The following CLYBL variants were observed in gnomAD, a reference collection of about 807,000 sequenced individuals.
CLYBL encodes citramalyl-CoA lyase, mitochondrial.
CLYBL carries 31 observed loss-of-function variants against 38.9 expected under a neutral mutation model. That is an observed-to-expected ratio of 0.80 (90% CI 0.60 to 1.08). The LOEUF is 1.08. Among genes scored for constraint, CLYBL ranks in the 50% least tolerant of loss-of-function variants. The probability of loss-of-function intolerance (pLI) is 0.00; values close to 1 mark genes in which losing one functional copy is unlikely to be tolerated. For synonymous variants in CLYBL, 171 were observed against 158.6 expected (o/e 1.08, Z -0.59); for missense variants, 434 against 411.6 (o/e 1.05, Z -0.47).
intron 1 of CLYBL, among the ~76,000 whole-genome samples, chr13:99,628,779 A>G (rs1195891615): frequency 6.6e-6 from 1 of 152,230 alleles, no homozygotes; most frequent in East Asian, 1.9e-4. Flanking sequence ...GGCAAATCCC[A>G]AGAAACATCT....
chr13:99,886,599 G>A (rs187950295), intron 7 of CLYBL, among the ~76,000 whole-genome samples: 2 of 152,328 alleles, frequency 1.3e-5, no homozygotes, highest in Admixed American at 6.5e-5. Context: ...AACAAATAAC[G>A]CCATAGGTAA....
intron 1 of CLYBL, among the ~76,000 whole-genome samples, chr13:99,642,906 A>C (rs761610032): frequency 6.6e-6 from 1 of 152,136 alleles, no homozygotes; most frequent in Non-Finnish European, 1.5e-5. Flanking sequence ...CTACAGGCAT[A>C]CACCACCACG....
intron 1 of CLYBL, among the ~76,000 whole-genome samples, chr13:99,664,849 A>C (rs1256211503): frequency 1.3e-5 from 2 of 152,182 alleles, no homozygotes; most frequent in Non-Finnish European, 2.9e-5. Context: ...TTTTTAGTAC[A>C]CAATTAGGTG....
chr13:99,644,293 C>T (rs143642322), intron 1 of CLYBL, among the ~76,000 whole-genome samples: 1 of 151,692 alleles, frequency 6.6e-6, no homozygotes, highest in Non-Finnish European at 1.5e-5. Flanking sequence ...TGTGCAAGCT[C>T]TCACTATAAA....
chr13:99,824,126 A>G (rs2050641488), intron 2 of CLYBL, among the ~76,000 whole-genome samples: 1 of 152,262 alleles, frequency 6.6e-6, no homozygotes, highest in Non-Finnish European at 1.5e-5. Context: ...AAGTCCCAGT[A>G]GAAAAACGTC....
chr13:99,679,735 T>TC (rs1555351636), intron 1 of CLYBL, among the ~76,000 whole-genome samples: 2 of 147,298 alleles, frequency 1.4e-5, no homozygotes, highest in African/African-American at 5.0e-5. Context: ...AAGGAGAGGG[T>TC]GGGGGGGGAA....
chr13:99,861,996 A>AAGCTT, intron 3 of CLYBL, among the ~76,000 whole-genome samples: 1 of 152,204 alleles, frequency 6.6e-6, no homozygotes, highest in East Asian at 1.9e-4. Context: ...TTACAGTACA[A>AAGCTT]AGCTTATAGG....
At chr13:99,681,128 G>A (rs1412137500) in intron 1 of CLYBL, among the ~76,000 whole-genome samples, 3 of 152,128 alleles carry the variant, frequency 2.0e-5, no homozygotes, top group Non-Finnish European at 2.9e-5. Context: ...AAGCATCATC[G>A]CTGAATGTAA....
intron 2 of CLYBL, among the ~76,000 whole-genome samples, chr13:99,800,782 G>A (rs1440561324): frequency 6.6e-6 from 1 of 151,818 alleles, no homozygotes; most frequent in Non-Finnish European, 1.5e-5. Flanking sequence ...GCTGAGGCAG[G>A]AGAATCGCGT....
At chr13:99,610,634 G>A (rs1312986306) in intron 1 of CLYBL, among the ~76,000 whole-genome samples, 2 of 152,170 alleles carry the variant, frequency 1.3e-5, no homozygotes, top group African/African-American at 4.8e-5. Context: ...GTCAGGACAT[G>A]TCTTCAACAT....
At chr13:99,620,352 A>C (rs9585150) in intron 1 of CLYBL, among the ~76,000 whole-genome samples, 2,051 of 152,304 alleles carry the variant, frequency 0.013, 48 homozygotes, top group African/African-American at 0.046. Flanking sequence ...GCCCAGAGCC[A>C]CAGTGCTCTC....
exon 10 of CLYBL, among the ~76,000 whole-genome samples, chr13:99,908,742 C>G (rs916583422): frequency 1.3e-5 from 2 of 152,208 alleles, no homozygotes; most frequent in African/African-American, 4.8e-5. Flanking sequence ...CTATATCATA[C>G]TCTTGTGAGG....
intron 1 of CLYBL, among the ~76,000 whole-genome samples, chr13:99,676,076 G>A (rs1299235123): frequency 4.6e-5 from 7 of 151,766 alleles, no homozygotes; most frequent in African/African-American, 1.5e-4. Flanking sequence ...TGCTGGTCTC[G>A]AACTCCTACC....
intron 1 of CLYBL, among the ~76,000 whole-genome samples, chr13:99,706,072 C>T (rs1019689024): frequency 3.9e-5 from 6 of 152,068 alleles, no homozygotes; most frequent in Non-Finnish European, 2.9e-5. Flanking sequence ...GCTGGGATTA[C>T]AGGCTCGTGC....
chr13:99,861,068 T>TC (rs1417933467), intron 3 of CLYBL, among the ~76,000 whole-genome samples: 1 of 152,126 alleles, frequency 6.6e-6, no homozygotes, highest in Non-Finnish European at 1.5e-5. Flanking sequence ...TTGTGATTTC[T>TC]CCCCCTTCTT....
intron 1 of CLYBL, among the ~76,000 whole-genome samples, chr13:99,758,219 T>C (rs1343585373): frequency 6.6e-6 from 1 of 152,212 alleles, no homozygotes; most frequent in Non-Finnish European, 1.5e-5. Context: ...CCCGTCATGC[T>C]ACGGGCCAGC....
In CLYBL at chr13:99,865,089, A is replaced by G. The variant is rs545942459; in HGVS notation, c.634+178A>G. The G allele has an allele frequency of 3.7e-5, 24 of 656,264 alleles. No homozygotes were observed. The East Asian group carries it at 7.0e-4, about 19-fold the overall frequency. The allele number at this position is 656,264 out of a possible 1,614,324, so 40.7% of individuals were successfully genotyped here. A position where few individuals can be genotyped will look rare whatever the true frequency, so the allele number is the denominator to read the frequency against. On this transcript the variant is annotated intron_variant, in intron 5 of 8. Coordinates refer to ENST00000339105, the MANE Select transcript of CLYBL (RefSeq NM_206808.5). The surrounding 1 kb of genome is among the most constrained non-coding windows in gnomAD (Gnocchi z 4.7). ...ACTTCCTGATAATTTAGGGCTCCTCATAGCTGCCCTGCTTCTAGAGCACTG... is the reference window on the plus strand; with the variant it reads ...ACTTCCTGATAATTTAGGGCTCCTCGTAGCTGCCCTGCTTCTAGAGCACTG...
intron 7 of CLYBL, among the ~76,000 whole-genome samples, chr13:99,880,050 G>GTATATATA (rs4001018): frequency 0.021 from 2,066 of 97,430 alleles, 71 homozygotes; most frequent in Non-Finnish European, 0.031. Context: ...ATGTGTGTAT[G>GTATATATA]TATATATATA....
rs373442077 is a variant in CLYBL at position 99,804,117 on chromosome 13, G to A, written c.249+31107G>A. On this transcript the variant is annotated intron_variant, in intron 2 of 8. Transcript: ENST00000339105. ...AGGACAGACCCCATCAACAAAGGAC[G>A]CAAGCTTTCACTCAACAGGAGAAAT... Among the ~76,000 whole-genome samples the A allele has an allele frequency of 3.2e-3, 491 of 152,322 alleles. 26 individuals carry two copies. In the South Asian group the frequency reaches 0.096, roughly 30 times the overall value.
Sources: gnomAD v4.1 joint callset for allele counts (sites outside exome capture counted in the v4.1 genomes callset) on GRCh38, gnomAD v4.1.1 for gene constraint, Gnocchi (gnomAD v3.1) non-coding constraint, MANE v1.5 for transcripts, NCBI Gene and HGNC (gene_info 2026-07-23, HGNC 2026-07-21) for gene names.